ZDHHC18: variants seen among roughly 807,000 people sequenced by gnomAD.
ZDHHC18 encodes the protein zDHHC palmitoyltransferase 18, also known as palmitoyltransferase ZDHHC18.
In ZDHHC18, 23 loss-of-function variants were observed where a neutral mutation model predicts 37.5. The ratio of observed to expected loss-of-function variants is 0.61; its 90% CI spans 0.44 to 0.87. The LOEUF (loss-of-function observed/expected upper bound fraction) is 0.87, where lower values mean the gene tolerates loss of function less well. ZDHHC18 is among the 40% of genes least tolerant of loss of function. The pLI is 0.00. For missense variants in ZDHHC18, 406 were observed against 525.6 expected (o/e 0.77, Z 2.22); for synonymous variants, 185 against 218.7 (o/e 0.85, Z 1.36).
intron 2 of ZDHHC18, among the ~76,000 whole-genome samples, chr1:26,847,175 G>A (rs913368747): frequency 2.0e-5 from 3 of 152,096 alleles, no homozygotes; most frequent in Admixed American, 1.3e-4. Context: ...GGTTACAGAT[G>A]TGAGCCACCA....
At chr1:26,839,435 CTT>C (rs1201973211) in intron 2 of ZDHHC18, among the ~76,000 whole-genome samples, 2 of 152,194 alleles carry the variant, frequency 1.3e-5, no homozygotes, top group Non-Finnish European at 2.9e-5. Context: ...AAACCAATAT[CTT>C]TGACTCATTT....
chr1:26,826,706 C>T lies in ZDHHC18; in HGVS notation c.-99C>T, dbSNP rs1031839062. The T allele has an allele frequency of 4.1e-6, 2 of 493,624 alleles. No homozygotes were observed. The highest frequency in any genetic ancestry group is 2.1e-5 in the African/African-American group (1 of 47,454). The allele number at this position is 493,624 out of a possible 1,614,324, so 30.6% of individuals were successfully genotyped here. On this transcript the variant is annotated 5_prime_UTR_variant, in exon 1 of 8. Coordinates refer to ENST00000374142, the MANE Select transcript of ZDHHC18 (RefSeq NM_032283.3). The surrounding 1 kb of genome is among the most constrained non-coding windows in gnomAD (Gnocchi z 5.2). ...CCGCCCCAGTGAGTGAGCGAGCGAG[C>T]GCCGCGCGCGCCGCCGCTGCCACCT...
chr1:26,832,766 T>A (rs1006072231), intron 2 of ZDHHC18, among the ~76,000 whole-genome samples, 159 bp downstream of exon 2: 3 of 152,214 alleles, frequency 2.0e-5, no homozygotes, highest in Admixed American at 1.3e-4. Flanking sequence ...GGGAGACAGA[T>A]GATCAACAAG....
At position 26,849,500 on chromosome 1, in the gene ZDHHC18, A is replaced by T. The variant is rs112143416; in HGVS notation, c.646+743A>T. 6.2e-3 allele frequency among the ~76,000 whole-genome samples: 943 copies of T among 152,358 alleles called. 5 individuals carry two copies. The highest frequency in any genetic ancestry group is 0.021 in the African/African-American group (886 of 41,590). On this transcript the variant is annotated intron_variant, in intron 3 of 7. Coordinates refer to ENST00000374142, the MANE Select transcript of ZDHHC18 (RefSeq NM_032283.3). The stretch of plus-strand genomic sequence containing the variant: ...CACCCCCCCGTGACGGCATGCAGTG[A>T]AGGGGGTGACTCAGTGGGCACCATT...
intron 2 of ZDHHC18, among the ~76,000 whole-genome samples, chr1:26,833,378 A>G (rs2081596706): frequency 6.6e-6 from 1 of 152,120 alleles, no homozygotes; most frequent in Non-Finnish European, 1.5e-5. Flanking sequence ...CGGTGGGGTT[A>G]TCTAGGGAAG....
At position 26,826,914 on chromosome 1, in the gene ZDHHC18, C is replaced by T; in HGVS notation, c.110C>T (p.Pro37Leu). The change falls in exon 1 of 8, where the codon CCC (proline) becomes CTC (leucine). Residue 37 changes from proline to leucine, a missense_variant. Transcript: ENST00000374142. The surrounding 1 kb of genome is among the most constrained non-coding windows in gnomAD (Gnocchi z 5.2). Reference sequence around the variant, plus strand: ...GCGTCCCCGACTCCGGGCCCCGGGCCCGCGCCGCCCGCCGCCCCCGCCCCG... The same window carrying T: ...GCGTCCCCGACTCCGGGCCCCGGGCTCGCGCCGCCCGCCGCCCCCGCCCCG... ...PAASPTPGPG[P>L]APPAAPAPPR... The T allele has an allele frequency of 1.0e-6, 1 of 996,710 alleles. No homozygotes were observed. The highest frequency in any genetic ancestry group is 1.2e-6 in the Non-Finnish European group (1 of 839,222). 61.7% of individuals were successfully genotyped at this position (996,710 alleles called of 1,614,324 possible). A position where few individuals can be genotyped will look rare whatever the true frequency, so the allele number is the denominator to read the frequency against.
chr1:26,848,612 C>T lies in ZDHHC18; in HGVS notation c.501C>T (p.Asn167=). ...EAAALEKQID[N]TGSSTYRPPP... is the part of the protein sequence containing the mutation. Reference sequence around the variant, plus strand: ...TTTCTCTCCTCCTTCCCTCAGACAACACAGGCAGTTCTACATACCGGCCAC... The same window carrying T: ...TTTCTCTCCTCCTTCCCTCAGACAATACAGGCAGTTCTACATACCGGCCAC... The change falls in exon 3 of 8, where the codon AAC becomes AAT. Residue 167 remains asparagine, a synonymous_variant. Transcript: ENST00000374142. 1 of 1,611,300 alleles carries T rather than the reference C, an allele frequency of 6.2e-7. No homozygotes were observed. Among genetic ancestry groups the T allele is most frequent in the East Asian group, 2.2e-5 (1 of 44,768 alleles).
At chr1:26,837,447 A>ATG (rs1557641813) in intron 2 of ZDHHC18, among the ~76,000 whole-genome samples, 67 of 145,660 alleles carry the variant, frequency 4.6e-4, no homozygotes, top group African/African-American at 1.7e-3. Context: ...AACATATTTA[A>ATG]TATATTATGT....
rs1164228235 is a variant in ZDHHC18 at position 26,852,675 on chromosome 1, T to C, written c.937-78T>C. ...AATTGGTTTCGGAATTGTCCAGTTG[T>C]CCCCAGCCTCTAGACCTGCCTCCTA... On this transcript the variant is annotated intron_variant, in intron 6 of 7. Coordinates refer to ENST00000374142, the MANE Select transcript of ZDHHC18 (RefSeq NM_032283.3). 2.4e-6 allele frequency: 3 copies of C among 1,264,496 alleles called. No individual in the cohort carries two copies. In the African/African-American group the frequency reaches 4.4e-5, roughly 19 times the overall value. 78.3% of individuals were successfully genotyped at this position (1,264,496 alleles called of 1,614,324 possible).
intron 2 of ZDHHC18, among the ~76,000 whole-genome samples, chr1:26,834,722 G>A (rs1218920816): frequency 6.6e-6 from 1 of 152,208 alleles, no homozygotes; most frequent in Non-Finnish European, 1.5e-5. Flanking sequence ...CTGAAGAATA[G>A]GTGAGCTTCT....
intron 6 of ZDHHC18, among the ~76,000 whole-genome samples, chr1:26,852,417 G>A (rs1211140161): frequency 6.6e-6 from 1 of 152,214 alleles, no homozygotes; most frequent in Non-Finnish European, 1.5e-5. Flanking sequence ...TAGCCAGTGA[G>A]TAGCAGGGCC....
chr1:26,835,438 C>T (rs1038161898), intron 2 of ZDHHC18, among the ~76,000 whole-genome samples: 2 of 152,236 alleles, frequency 1.3e-5, no homozygotes, highest in African/African-American at 2.4e-5. Context: ...CACAGTGGCT[C>T]ACGCCTGTAA....
intron 2 of ZDHHC18, 107 bp from the exon 3 acceptor site, chr1:26,848,501 C>T: frequency 1.4e-6 from 2 of 1,444,490 alleles, no homozygotes; most frequent in South Asian, 1.3e-5. Flanking sequence ...ACCTGTTACC[C>T]TGAGGCTTCT....
chr1:26,846,031 C>G (rs1387097290), intron 2 of ZDHHC18, among the ~76,000 whole-genome samples: 5 of 151,758 alleles, frequency 3.3e-5, no homozygotes, highest in Non-Finnish European at 7.4e-5. Flanking sequence ...GAGAATAAAT[C>G]CTTTCATAAT....
chr1:26,841,661 G>A (rs1428174266), intron 2 of ZDHHC18, among the ~76,000 whole-genome samples: 1 of 152,110 alleles, frequency 6.6e-6, no homozygotes, highest in Non-Finnish European at 1.5e-5. Flanking sequence ...CACCAGCTTT[G>A]GAAAGAGCTG....
rs761010489 is a variant in ZDHHC18 at position 26,856,020 on chromosome 1, G to A, written c.*2177G>A. The A allele has an allele frequency of 7.8e-5, 26 of 334,948 alleles. No individual in the cohort carries two copies. Among genetic ancestry groups the A allele is most frequent in the Non-Finnish European group, 1.3e-4 (20 of 156,214 alleles). 20.7% of individuals were successfully genotyped at this position (334,948 alleles called of 1,614,324 possible). On this transcript the variant is annotated 3_prime_UTR_variant, in exon 8 of 8. Coordinates refer to ENST00000374142, the MANE Select transcript of ZDHHC18 (RefSeq NM_032283.3). The surrounding 1 kb of genome is among the most constrained non-coding windows in gnomAD (Gnocchi z 5.2). ...GACCCCCAAATTCTTCTTCCCTACTGCCTTTCCACTCCGATCCCCAATGAG... is the reference window on the plus strand; with the variant it reads ...GACCCCCAAATTCTTCTTCCCTACTACCTTTCCACTCCGATCCCCAATGAG...
intron 2 of ZDHHC18, among the ~76,000 whole-genome samples, chr1:26,840,487 C>A (rs1368610436): frequency 1.3e-5 from 2 of 152,178 alleles, no homozygotes. Context: ...GTCACCCAGG[C>A]TGGAGTGCAG....
intron 2 of ZDHHC18, among the ~76,000 whole-genome samples, chr1:26,833,678 A>G (rs1437061284): frequency 2.0e-5 from 3 of 152,034 alleles, no homozygotes; most frequent in African/African-American, 7.2e-5. Flanking sequence ...GCTGCACCCC[A>G]GCTCTTCCTG....
At chr1:26,846,063 A>T (rs1047751400) in intron 2 of ZDHHC18, among the ~76,000 whole-genome samples, 1 of 151,726 alleles carries the variant, frequency 6.6e-6, no homozygotes, top group Non-Finnish European at 1.5e-5. Context: ...CAATCCATGA[A>T]TATGCTATAT....
Sources: allele counts gnomAD v4.1 joint callset (sites outside exome capture counted in the v4.1 genomes callset), GRCh38; gene constraint gnomAD v4.1.1; non-coding constraint Gnocchi (gnomAD v3.1); transcripts MANE v1.5; gene names NCBI Gene and HGNC (gene_info 2026-07-23, HGNC 2026-07-21).